Variants in CERT1 observed in about 807,000 individuals in gnomAD.
The protein encoded by CERT1 is ceramide transfer protein.
In CERT1, 31 loss-of-function variants were observed where a neutral mutation model predicts 87.9. That is an observed-to-expected ratio of 0.35 (90% CI 0.27 to 0.48). The LOEUF is 0.48. CERT1 is among the 20% of genes least tolerant of loss of function. CERT1 has a pLI of 0.99. For synonymous variants in CERT1, 289 were observed against 250.9 expected (o/e 1.15, Z -1.44); for missense variants, 487 against 758.0 (o/e 0.64, Z 4.20).
chr5:75,455,150 A>C (rs1359524175), intron 3 of CERT1, among the ~76,000 whole-genome samples: 1 of 152,212 alleles, frequency 6.6e-6, no homozygotes, highest in African/African-American at 2.4e-5. Context: ...TGGTCAACAG[A>C]AAGGGCCCAA....
chr5:75,385,458 A>G (rs1412687192), intron 13 of CERT1, among the ~76,000 whole-genome samples: 3 of 152,162 alleles, frequency 2.0e-5, no homozygotes, highest in Non-Finnish European at 2.9e-5. Context: ...GTGTGACAAG[A>G]GCGAAACTCT....
chr5:75,507,184 A>C (rs1426360244), intron 1 of CERT1, among the ~76,000 whole-genome samples: 2 of 152,132 alleles, frequency 1.3e-5, no homozygotes, highest in African/African-American at 2.4e-5. Flanking sequence ...GATGGAGTGC[A>C]GTGGCACCAT....
intron 8 of CERT1, among the ~76,000 whole-genome samples, chr5:75,404,049 T>C (rs1029360610): frequency 6.6e-6 from 1 of 152,130 alleles, no homozygotes; most frequent in South Asian, 2.1e-4. Flanking sequence ...TGTTAAAATA[T>C]ATAAAATAAG....
intron 3 of CERT1, among the ~76,000 whole-genome samples, chr5:75,452,268 T>C (rs994089120): frequency 1.3e-5 from 2 of 152,202 alleles, no homozygotes; most frequent in Non-Finnish European, 2.9e-5. Context: ...TATTTTCATA[T>C]GAATCTTTGT....
intron 7 of CERT1, among the ~76,000 whole-genome samples, chr5:75,414,360 T>C (rs1436620400): frequency 6.6e-6 from 1 of 152,170 alleles, no homozygotes; most frequent in Non-Finnish European, 1.5e-5. Flanking sequence ...AAAAATCAGG[T>C]AGTATACTTA....
chr5:75,438,393 A>C (rs1021854729), intron 3 of CERT1, among the ~76,000 whole-genome samples: 1 of 152,164 alleles, frequency 6.6e-6, no homozygotes, highest in African/African-American at 2.4e-5. Flanking sequence ...TTTGAGGGTG[A>C]AGCAGGGTTA....
At chr5:75,471,120 A>G (rs1765687342) in intron 2 of CERT1, among the ~76,000 whole-genome samples, 1 of 152,222 alleles carries the variant, frequency 6.6e-6, no homozygotes, top group African/African-American at 2.4e-5. Context: ...TCCCATGTTC[A>G]TGAATTAGAA....
chr5:75,428,677 C>CAAA (rs758851060), intron 3 of CERT1, among the ~76,000 whole-genome samples: 2 of 98,254 alleles, frequency 2.0e-5, no homozygotes, highest in African/African-American at 7.3e-5. Context: ...GACTCTGTCT[C>CAAA]AAAAAAAAAA....
In CERT1 at chr5:75,471,628, G is replaced by A. The variant is rs1055546708; in HGVS notation, c.232-12447C>T. 7.9e-5 allele frequency among the ~76,000 whole-genome samples: 12 copies of A among 151,718 alleles called. No individual in the cohort carries two copies. The East Asian group carries it at 1.2e-3, about 15-fold the overall frequency. ...AAAAATATTAGCTGGGCATGGTGGC[G>A]CATGCCTGTAGTCCCAGCTACTCGG... On this transcript the variant is annotated intron_variant, in intron 2 of 16. Transcript: ENST00000643780.
intron 2 of CERT1, among the ~76,000 whole-genome samples, chr5:75,500,721 A>G (rs1767320170): frequency 6.6e-6 from 1 of 152,136 alleles, no homozygotes; most frequent in Admixed American, 6.5e-5. Flanking sequence ...ACATAGAAAA[A>G]CTGCACACTT....
intron 2 of CERT1, among the ~76,000 whole-genome samples, chr5:75,477,926 TG>T (rs1766044484): frequency 6.6e-6 from 1 of 152,190 alleles, no homozygotes; most frequent in South Asian, 2.1e-4. Context: ...ATAAGACCTG[TG>T]GGTAAATATG....
intron 2 of CERT1, among the ~76,000 whole-genome samples, chr5:75,479,202 C>A (rs1766115766): frequency 6.6e-6 from 1 of 151,994 alleles, no homozygotes; most frequent in Non-Finnish European, 1.5e-5. Flanking sequence ...ACTTTGCAAA[C>A]ATTATTAAAC....
At position 75,511,612 on chromosome 5, in the gene CERT1, C is replaced by CTG. The variant is rs1019539939; in HGVS notation, c.-407_-406dup. 1 of 1,470,718 alleles carries CTG rather than the reference C, an allele frequency of 6.8e-7. No homozygotes were observed. The highest frequency in any genetic ancestry group is 9.0e-7 in the Non-Finnish European group (1 of 1,110,110). 91.1% of individuals were successfully genotyped at this position (1,470,718 alleles called of 1,614,324 possible). A position where few individuals can be genotyped will look rare whatever the true frequency, so the allele number is the denominator to read the frequency against. On this transcript the variant is annotated 5_prime_UTR_variant, in exon 1 of 17. Transcript: ENST00000643780. ...CACCTCCGCTACCGCCGCCATCTTC[C>CTG]TGCCTGGCCCACTATTTACCCTCCC...
intron 3 of CERT1, among the ~76,000 whole-genome samples, chr5:75,446,669 A>AT (rs1047149593): frequency 6.6e-6 from 1 of 151,488 alleles, no homozygotes; most frequent in Non-Finnish European, 1.5e-5. Flanking sequence ...TGTTATTGTT[A>AT]TTTTTTACTG....
At chr5:75,446,317 G>A (rs373657263) in intron 3 of CERT1, among the ~76,000 whole-genome samples, 2 of 152,094 alleles carry the variant, frequency 1.3e-5, no homozygotes, top group Admixed American at 1.3e-4. Flanking sequence ...AGTTACTAGA[G>A]TTTCTAGCTC....
intron 2 of CERT1, among the ~76,000 whole-genome samples, chr5:75,491,207 C>T (rs1407018432): frequency 1.3e-5 from 2 of 151,890 alleles, no homozygotes; most frequent in Admixed American, 6.6e-5. Context: ...TTCTTTCTGT[C>T]GTTTGCCAAA....
chr5:75,429,085 A>G (rs1484123555), intron 3 of CERT1, among the ~76,000 whole-genome samples: 1 of 151,522 alleles, frequency 6.6e-6, no homozygotes, highest in Non-Finnish European at 1.5e-5. Context: ...TCTTTTTGTC[A>G]AAAAACATCC....
At chr5:75,488,237 T>C (rs1224272697) in intron 2 of CERT1, among the ~76,000 whole-genome samples, 1 of 152,102 alleles carries the variant, frequency 6.6e-6, no homozygotes, top group Non-Finnish European at 1.5e-5. Flanking sequence ...TAAAAGCTTG[T>C]GGTGGATGCT....
At chr5:75,479,372 C>T (rs1429702999) in intron 2 of CERT1, among the ~76,000 whole-genome samples, 1 of 152,030 alleles carries the variant, frequency 6.6e-6, no homozygotes, top group Non-Finnish European at 1.5e-5. Context: ...CAGGGGTTTG[C>T]TGTACAGATT....
Sources: allele counts gnomAD v4.1 joint callset (sites outside exome capture counted in the v4.1 genomes callset), GRCh38; gene constraint gnomAD v4.1.1; transcripts MANE v1.5; gene names NCBI Gene and HGNC (gene_info 2026-07-23, HGNC 2026-07-21).